Variants in CELA2A observed in about 807,000 individuals in gnomAD.
CELA2A encodes the protein chymotrypsin-like elastase family member 2A.
In CELA2A, 31 loss-of-function variants were observed where a neutral mutation model predicts 35.3. The ratio of observed to expected loss-of-function variants is 0.88; its 90% CI spans 0.66 to 1.19. The LOEUF (loss-of-function observed/expected upper bound fraction) is 1.19, where lower values mean the gene tolerates loss of function less well. CELA2A is among the 50% of genes most tolerant of loss of function. The probability of loss-of-function intolerance (pLI) is 0.00; values close to 1 mark genes in which losing one functional copy is unlikely to be tolerated. For missense variants in CELA2A, 330 were observed against 352.9 expected (o/e 0.94, Z 0.52); for synonymous variants, 150 against 149.8 (o/e 1.00, Z -0.01).
Position 15,457,095 on chromosome 1 carries a change from G to A in CELA2A, c.50G>A (p.Cys17Tyr), listed in dbSNP as rs754105013. ...CTTTCTCTTTTCACAGCCCTCAGTT[G>A]TGGGGACCCCACTTACCCACCTTAT... ...LSTLVAGALS[C>Y]GDPTYPPYVT... is the part of the protein sequence containing the mutation. Residue 17 changes from cysteine to tyrosine, a missense_variant, in exon 2 of 8, where the codon TGT becomes TAT. Transcript: ENST00000359621. The A allele has an allele frequency of 6.8e-6, 11 of 1,613,986 alleles. No individual in the cohort carries two copies. The highest frequency in any genetic ancestry group is 1.1e-5 in the South Asian group (1 of 91,090).
intron 4 of CELA2A, 137 bp downstream of exon 4, chr1:15,462,998 G>A (rs1708460228): frequency 7.6e-7 from 1 of 1,314,920 alleles, no homozygotes; most frequent in Non-Finnish European, 1.1e-6. Context: ...TGGCCTCTTA[G>A]ATGTGGAACC....
intron 2 of CELA2A, among the ~76,000 whole-genome samples, chr1:15,461,225 A>G (rs376919485): frequency 5.9e-5 from 9 of 152,070 alleles, no homozygotes; most frequent in African/African-American, 1.4e-4. Flanking sequence ...AGATTTGGGT[A>G]GGGACACAGC....
chr1:15,465,532 G>C (rs1708504297), intron 5 of CELA2A, among the ~76,000 whole-genome samples: 1 of 152,096 alleles, frequency 6.6e-6, no homozygotes, highest in Non-Finnish European at 1.5e-5. Context: ...GAAAGCCATG[G>C]AGCTAGCTCA....
chr1:15,458,079 A>C (rs1385236418), intron 2 of CELA2A, among the ~76,000 whole-genome samples: 1 of 152,200 alleles, frequency 6.6e-6, no homozygotes, highest in East Asian at 1.9e-4. Context: ...CGAGTAATTG[A>C]AAAGTTGGTT....
At chr1:15,469,048 C>T (rs1250430609) in intron 7 of CELA2A, among the ~76,000 whole-genome samples, 1 of 152,110 alleles carries the variant, frequency 6.6e-6, no homozygotes, top group Admixed American at 6.5e-5. Context: ...TGTGGTGATA[C>T]GTGCTTGTAA....
rs745515252 is a variant in CELA2A at position 15,463,408 on chromosome 1, C to A, written c.379C>A (p.Leu127Met). The change falls in exon 5 of 8, where the codon CTG becomes ATG. Residue 127 changes from leucine to methionine, a missense_variant. Coordinates refer to ENST00000359621, the MANE Select transcript of CELA2A (RefSeq NM_033440.3). ...SKGNDIALLK[L>M]ANPVSLTDKI... ...CAGGAACGACATTGCCCTGCTCAAA[C>A]TGGCTAACCCCGTCTCCCTCACCGA... is the stretch of plus-strand genomic sequence containing the variant. 23 of 1,613,754 alleles carry A rather than the reference C, an allele frequency of 1.4e-5. No homozygotes were observed. The South Asian group carries it at 2.4e-4, about 17-fold the overall frequency.
At chr1:15,468,037 A>G (rs889737396) in intron 7 of CELA2A, among the ~76,000 whole-genome samples, 11 of 148,226 alleles carry the variant, frequency 7.4e-5, no homozygotes, top group Non-Finnish European at 1.2e-4. Context: ...GGTTGCAGTG[A>G]GCCAAAATTG....
intron 5 of CELA2A, among the ~76,000 whole-genome samples, chr1:15,464,466 G>A (rs1708486478): frequency 6.6e-6 from 1 of 152,104 alleles, no homozygotes; most frequent in South Asian, 2.1e-4. Context: ...GAAGATTCTA[G>A]GAAGGGATGA....
intron 7 of CELA2A, among the ~76,000 whole-genome samples, chr1:15,470,510 T>C (rs188629702): frequency 2.0e-5 from 3 of 152,162 alleles, no homozygotes; most frequent in Admixed American, 2.0e-4. Flanking sequence ...ACTATAAGAG[T>C]ATCAGGTAAA....
chr1:15,466,653 G>A (rs1462482373), intron 6 of CELA2A, among the ~76,000 whole-genome samples: 5 of 152,104 alleles, frequency 3.3e-5, no homozygotes, highest in African/African-American at 1.2e-4. Flanking sequence ...CTCACTGCTG[G>A]GAAGTCCTTC....
rs1208623370 is a variant in CELA2A, at chr1:15,465,853, C to G, written c.494-146C>G. ...GGTGTTCACTGCTGAACCAATCAAC[C>G]GTGAGGACACAGTATAGACAAACGT... On this transcript the variant is annotated intron_variant, in intron 5 of 7. Transcript: ENST00000359621. 3 of 920,736 alleles carry G rather than the reference C, an allele frequency of 3.3e-6. No homozygotes were observed. The East Asian group carries it at 7.3e-5, about 22-fold the overall frequency. The allele number at this position is 920,736 out of a possible 1,614,324, so 57.0% of individuals were successfully genotyped here.
chr1:15,462,561 T>C (rs1708449974), intron 3 of CELA2A, among the ~76,000 whole-genome samples, 172 bp from the exon 4 acceptor site: 1 of 152,216 alleles, frequency 6.6e-6, no homozygotes, highest in Non-Finnish European at 1.5e-5. Context: ...TCATAGTTCT[T>C]AGGTTATATA....
At chr1:15,466,475 T>C (rs928280495) in intron 6 of CELA2A, among the ~76,000 whole-genome samples, 2 of 151,670 alleles carry the variant, frequency 1.3e-5, no homozygotes, top group African/African-American at 4.8e-5. Flanking sequence ...GGCAGGAGAA[T>C]CACTTGAACC....
intron 3 of CELA2A, 91 bp downstream of exon 3, chr1:15,461,749 A>G: frequency 6.8e-7 from 1 of 1,469,118 alleles, no homozygotes; most frequent in Non-Finnish European, 9.5e-7. Context: ...ATGCTACATA[A>G]AGCAGCCTTG....
intron 6 of CELA2A, 108 bp from the exon 7 acceptor site, chr1:15,467,278 C>A (rs753791312): frequency 2.2e-5 from 27 of 1,201,604 alleles, no homozygotes; most frequent in Middle Eastern, 2.0e-4. Context: ...GGTCAGCTTC[C>A]GAGGACAGTG....
chr1:15,457,814 T>G (rs972134245), intron 2 of CELA2A, among the ~76,000 whole-genome samples: 2 of 152,188 alleles, frequency 1.3e-5, no homozygotes, highest in Non-Finnish European at 2.9e-5. Flanking sequence ...TATGCAAACA[T>G]TCCTTGCTTT....
In CELA2A at chr1:15,463,467, C is replaced by T; in HGVS notation, c.438C>T (p.Gly146=). ...KIQLACLPPA[G]TILPNNYPCY... The stretch of plus-strand genomic sequence containing the variant: ...AGCTGGCCTGCCTCCCTCCTGCCGG[C>T]ACCATTCTACCCAACAACTACCCCT... The change falls in exon 5 of 8, where the codon GGC becomes GGT. Residue 146 remains glycine, a synonymous_variant. Coordinates refer to ENST00000359621, the MANE Select transcript of CELA2A (RefSeq NM_033440.3). The T allele has an allele frequency of 6.2e-7, 1 of 1,614,070 alleles. No individual in the cohort carries two copies. The highest frequency in any genetic ancestry group is 8.5e-7 in the Non-Finnish European group (1 of 1,179,950).
chr1:15,465,667 C>T (rs1300788881), intron 5 of CELA2A, among the ~76,000 whole-genome samples: 1 of 152,192 alleles, frequency 6.6e-6, no homozygotes, highest in Non-Finnish European at 1.5e-5. Context: ...GAAACCCTCC[C>T]TCAGAATTTC....
chr1:15,467,876 C>T (rs1249645472), intron 7 of CELA2A, among the ~76,000 whole-genome samples: 1 of 151,992 alleles, frequency 6.6e-6, no homozygotes, highest in Non-Finnish European at 1.5e-5. Flanking sequence ...ATCACGAGGT[C>T]AGAAGTTCAA....
Sources: gnomAD v4.1 joint callset for allele counts (sites outside exome capture counted in the v4.1 genomes callset) on GRCh38, gnomAD v4.1.1 for gene constraint, MANE v1.5 for transcripts, NCBI Gene and HGNC (gene_info 2026-07-23, HGNC 2026-07-21) for gene names.